The following STT3B variants were observed in gnomAD, a reference collection of about 807,000 sequenced individuals.
The protein encoded by STT3B is STT3 oligosaccharyltransferase complex catalytic subunit B.
A neutral mutation model predicts 96.8 loss-of-function variants in STT3B; 29 were observed. That is an observed-to-expected ratio of 0.30 (90% CI 0.22 to 0.41). The LOEUF (loss-of-function observed/expected upper bound fraction) is 0.41, where lower values mean the gene tolerates loss of function less well. STT3B is among the 10% of genes least tolerant of loss of function. The pLI is 1.00. For missense variants in STT3B, 640 were observed against 1,022.3 expected (o/e 0.63, Z 5.10); for synonymous variants, 367 against 360.0 (o/e 1.02, Z -0.22).
Position 31,617,081 on chromosome 3 carries a change from T to C in STT3B, c.1123+6T>C. On this transcript the variant is annotated splice_donor_region_variant and intron_variant, in intron 7 of 15. Coordinates refer to ENST00000295770, the MANE Select transcript of STT3B (RefSeq NM_178862.3). The stretch of plus-strand genomic sequence containing the variant: ...CATCTATTTGACTTATACAGGTACG[T>C]GTTATCACCTGTAGGGTGTGAATAT... 6.3e-7 allele frequency: 1 copy of C among 1,594,770 alleles called. No homozygotes were observed. Among genetic ancestry groups the C allele is most frequent in the African/African-American group, 1.3e-5 (1 of 74,668 alleles).
chr3:31,617,846 G>T (rs191773223), intron 7 of STT3B, 94 bp from the exon 8 acceptor site: 10 of 862,488 alleles, frequency 1.2e-5, no homozygotes, highest in Non-Finnish European at 1.9e-5. Flanking sequence ...ACATTAGTTT[G>T]TCTATCTATA....
intron 3 of STT3B, among the ~76,000 whole-genome samples, chr3:31,591,858 C>T (rs929160989): frequency 2.0e-5 from 3 of 151,880 alleles, no homozygotes. Flanking sequence ...TTATAATTTC[C>T]TTTTAGCCTG....
chr3:31,559,143 T>TGGGG lies in STT3B; in HGVS notation c.315-17252_315-17249dup, dbSNP rs202088544. Among the ~76,000 whole-genome samples the TGGGG allele has an allele frequency of 5.7e-4, 59 of 103,636 alleles. 1 individual carries two copies. The highest frequency in any genetic ancestry group is 4.1e-3 in the Middle Eastern group (1 of 246). 68.0% of individuals were successfully genotyped at this position (103,636 alleles called of 152,430 possible). A position where few individuals can be genotyped will look rare whatever the true frequency, so the allele number is the denominator to read the frequency against. On this transcript the variant is annotated intron_variant, in intron 1 of 15. Transcript: ENST00000295770. ...TTTTTGTTTTTGTTTCATTGATTCT[T>TGGGG]GGGGTGTGTGTGTGTGTGTGTGTGT... is the stretch of plus-strand genomic sequence containing the variant.
intron 3 of STT3B, among the ~76,000 whole-genome samples, chr3:31,592,636 T>C (rs1193453440): frequency 1.3e-5 from 2 of 152,102 alleles, no homozygotes; most frequent in Non-Finnish European, 2.9e-5. Flanking sequence ...TCCTAATGGG[T>C]GTGAGGTGGC....
At chr3:31,552,245 A>G (rs1697579783) in intron 1 of STT3B, among the ~76,000 whole-genome samples, 1 of 152,214 alleles carries the variant, frequency 6.6e-6, no homozygotes, top group East Asian at 1.9e-4. Context: ...TCTGAATGTT[A>G]CTACCTAACT....
At chr3:31,613,616 G>A (rs141084711) in intron 5 of STT3B, among the ~76,000 whole-genome samples, 1,729 of 152,016 alleles carry the variant, frequency 0.011, 15 homozygotes, top group Middle Eastern at 0.027. Context: ...AGATTACATA[G>A]TGATCTTCTT....
chr3:31,550,549 C>T (rs899792754), intron 1 of STT3B, among the ~76,000 whole-genome samples: 2 of 152,118 alleles, frequency 1.3e-5, no homozygotes, highest in African/African-American at 2.4e-5. Context: ...CAGAGTTAAC[C>T]TAGTAAAAAA....
At chr3:31,632,156 G>A (rs961697186) in intron 14 of STT3B, among the ~76,000 whole-genome samples, 1 of 152,060 alleles carries the variant, frequency 6.6e-6, no homozygotes, top group Non-Finnish European at 1.5e-5. Flanking sequence ...ACATCAGGAC[G>A]GTCTGAGAAT....
intron 5 of STT3B, among the ~76,000 whole-genome samples, chr3:31,607,782 T>C (rs893626000): frequency 6.6e-6 from 1 of 151,916 alleles, no homozygotes; most frequent in African/African-American, 2.4e-5. Context: ...TTTGTAGAAA[T>C]GGTAGGGGGA....
At chr3:31,554,481 T>C (rs896673867) in intron 1 of STT3B, among the ~76,000 whole-genome samples, 5 of 152,186 alleles carry the variant, frequency 3.3e-5, no homozygotes, top group Non-Finnish European at 7.4e-5. Context: ...TTAAATGATT[T>C]AATGGCCGTG....
intron 3 of STT3B, 39 bp from the exon 4 acceptor site, chr3:31,596,759 G>A: frequency 1.3e-6 from 2 of 1,492,364 alleles, no homozygotes; most frequent in African/African-American, 1.4e-5. Flanking sequence ...AAGAACATTT[G>A]TAAACATTTT....
intron 1 of STT3B, among the ~76,000 whole-genome samples, chr3:31,543,067 C>CCAAA (rs374310709): frequency 9.1e-6 from 1 of 109,470 alleles, no homozygotes; most frequent in Non-Finnish European, 1.7e-5. Context: ...CTCCATCTCA[C>CCAAA]AAAAAAAAAA....
At chr3:31,571,197 TCA>T (rs758946288) in intron 1 of STT3B, among the ~76,000 whole-genome samples, 17 of 151,498 alleles carry the variant, frequency 1.1e-4, no homozygotes, top group Non-Finnish European at 1.9e-4. Flanking sequence ...CCAGAGATAA[TCA>T]CACTATAGGT....
chr3:31,585,487 G>C (rs1171801135), intron 3 of STT3B, among the ~76,000 whole-genome samples: 2 of 152,092 alleles, frequency 1.3e-5, no homozygotes, highest in Non-Finnish European at 2.9e-5. Context: ...CAGAGTATAT[G>C]ATTCAGAAAA....
intron 1 of STT3B, among the ~76,000 whole-genome samples, chr3:31,543,474 G>A (rs1402661366): frequency 6.6e-6 from 1 of 152,152 alleles, no homozygotes. Flanking sequence ...CATAGTGAGT[G>A]CACAGTGAAT....
chr3:31,596,248 G>T (rs1338423179), intron 3 of STT3B, among the ~76,000 whole-genome samples: 1 of 152,148 alleles, frequency 6.6e-6, no homozygotes, highest in Non-Finnish European at 1.5e-5. Flanking sequence ...TTAGGAGAGA[G>T]AAAGAAGTAT....
rs756006803 is a variant in STT3B at position 31,624,924 on chromosome 3, A to G, written c.1738A>G (p.Ile580Val). 8 of 1,612,160 alleles carry G rather than the reference A, an allele frequency of 5.0e-6. No individual in the cohort carries two copies. Among genetic ancestry groups the G allele is most frequent in the Non-Finnish European group, 5.1e-6 (6 of 1,178,866 alleles). The part of the protein sequence containing the change: ...ASYNHDGTRN[I>V]LDDFREAYFW... ...TGTGATTCTTTTCAGCACCAGGAAT[A>G]TCTTAGATGATTTTAGAGAAGCTTA... is the stretch of plus-strand genomic sequence containing the variant. Residue 580 changes from isoleucine to valine, a missense_variant, in exon 12 of 16, where the codon ATC becomes GTC. Around this residue, in one of 8 missense-constraint regions of STT3B, gnomAD observed 149 missense variants for 250.2 expected, o/e 0.60. Transcript: ENST00000295770.
chr3:31,571,118 A>G lies in STT3B; in HGVS notation c.315-5278A>G, dbSNP rs138315868. Among the ~76,000 whole-genome samples, 187 of 152,244 alleles carry G rather than the reference A, an allele frequency of 1.2e-3. 1 individual carries two copies. Among genetic ancestry groups the G allele is most frequent in the Middle Eastern group, 6.8e-3 (2 of 294 alleles). On this transcript the variant is annotated intron_variant, in intron 1 of 15. Coordinates refer to ENST00000295770, the MANE Select transcript of STT3B (RefSeq NM_178862.3). Reference sequence around the variant, plus strand: ...GAGTATTTGTCAACTAGGAAGAAAAAAATTACATAGGTATTGCTATGTCTT... The same window carrying G: ...GAGTATTTGTCAACTAGGAAGAAAAGAATTACATAGGTATTGCTATGTCTT...
intron 3 of STT3B, among the ~76,000 whole-genome samples, chr3:31,584,370 C>T (rs1195958885): frequency 6.6e-6 from 1 of 152,122 alleles, no homozygotes; most frequent in Non-Finnish European, 1.5e-5. Context: ...AGTCCTTCAA[C>T]TTTGTTGTTC....
Sources: gnomAD v4.1 joint callset for allele counts (sites outside exome capture counted in the v4.1 genomes callset) on GRCh38, gnomAD v4.1.1 for gene constraint, gnomAD v4.1.1 regional missense constraint, MANE v1.5 for transcripts, NCBI Gene and HGNC (gene_info 2026-07-23, HGNC 2026-07-21) for gene names.